The following POLH variants were observed in gnomAD, a reference collection of about 807,000 sequenced individuals.
POLH encodes DNA polymerase eta transcript.
A neutral mutation model predicts 73.6 loss-of-function variants in POLH; 53 were observed. The ratio of observed to expected loss-of-function variants is 0.72; its 90% CI spans 0.58 to 0.91. The LOEUF (loss-of-function observed/expected upper bound fraction) is 0.91. Ranked by LOEUF, POLH falls within the 40% of genes least tolerant of loss-of-function variation. POLH has a pLI of 0.00. For missense variants in POLH, 768 were observed against 865.4 expected (o/e 0.89, Z 1.41); for synonymous variants, 292 against 308.5 (o/e 0.95, Z 0.56).
intron 9 of POLH, among the ~76,000 whole-genome samples, chr6:43,608,872 A>G (rs1460548661): frequency 9.9e-5 from 15 of 152,220 alleles, no homozygotes; most frequent in Admixed American, 5.2e-4. Flanking sequence ...AAGTAATTCT[A>G]TAAAGCCAAA....
chr6:43,606,533 A>G (rs2127808631), intron 9 of POLH, among the ~76,000 whole-genome samples: 1 of 151,980 alleles, frequency 6.6e-6, no homozygotes, highest in Non-Finnish European at 1.5e-5. Context: ...AATTCAAGCG[A>G]TTCTCCTGTC....
chr6:43,593,566 A>G (rs1359263691), intron 4 of POLH, among the ~76,000 whole-genome samples: 2 of 152,166 alleles, frequency 1.3e-5, no homozygotes, highest in Admixed American at 6.6e-5. Context: ...CATTTCCACA[A>G]AGGTGCCAAG....
intron 9 of POLH, among the ~76,000 whole-genome samples, chr6:43,606,196 T>G (rs911157869): frequency 1.3e-5 from 2 of 152,104 alleles, no homozygotes; most frequent in African/African-American, 4.8e-5. Flanking sequence ...TTAAAATCTC[T>G]AATAGAATTT....
chr6:43,604,595 T>C lies in POLH; in HGVS notation c.885-20T>C, dbSNP rs1476808328. 6.2e-7 allele frequency: 1 copy of C among 1,612,674 alleles called. No homozygotes were observed. The highest frequency in any genetic ancestry group is 1.7e-5 in the Admixed American group (1 of 60,016). The stretch of plus-strand genomic sequence containing the variant: ...ATAATCATTTAATTTCACCTTAACG[T>C]TTTTTGCTGGTCTTATTAGGTCTTG... On this transcript the variant is annotated intron_variant, in intron 7 of 10. Coordinates refer to ENST00000372236, the MANE Select transcript of POLH (RefSeq NM_006502.3).
chr6:43,592,152 A>G (rs76232850), intron 4 of POLH, among the ~76,000 whole-genome samples: 3,684 of 152,298 alleles, frequency 0.024, 155 homozygotes, highest in African/African-American at 0.084. Flanking sequence ...ATGTCTAGGA[A>G]ATATTTCATA....
Position 43,616,371 on chromosome 6 carries a change from A to C in POLH, c.*1814A>C, listed in dbSNP as rs1582330618. ...CATTTAGGGAGGCTGAGGTGAGTGG[A>C]TTGCAGGAGCTCAGGAGTTCGAGAC... On this transcript the variant is annotated 3_prime_UTR_variant, in exon 11 of 11. Transcript: ENST00000372236. 6.6e-6 allele frequency among the ~76,000 whole-genome samples: 1 copy of C among 150,772 alleles called. No individual in the cohort carries two copies. Among genetic ancestry groups the C allele is most frequent in the Admixed American group, 6.6e-5 (1 of 15,084 alleles).
chr6:43,594,531 A>AC (rs550893128), intron 4 of POLH, among the ~76,000 whole-genome samples: 1 of 152,066 alleles, frequency 6.6e-6, no homozygotes, highest in African/African-American at 2.4e-5. Context: ...ACATGGTGAA[A>AC]CCCCATCTCT....
Position 43,620,309 on chromosome 6 carries a change from T to C in POLH, c.*5752T>C. On this transcript the variant is annotated 3_prime_UTR_variant, in exon 11 of 11. Transcript: ENST00000372236. ...ACTACGGAAAATAGGCCACAATACTTGGTTACAATACTGGAACTCTGAACC... is the reference window on the plus strand; with the variant it reads ...ACTACGGAAAATAGGCCACAATACTCGGTTACAATACTGGAACTCTGAACC... The C allele has an allele frequency of 1.9e-6, 1 of 516,616 alleles. No homozygotes were observed. The allele number at this position is 516,616 out of a possible 1,614,324, so 32.0% of individuals were successfully genotyped here.
chr6:43,584,672 C>G (rs1461731923), intron 3 of POLH, among the ~76,000 whole-genome samples: 1 of 152,150 alleles, frequency 6.6e-6, no homozygotes, highest in East Asian at 1.9e-4. Flanking sequence ...GGCTCAATAC[C>G]ACAAGAACAC....
chr6:43,611,516 T>C (rs1476609868), intron 10 of POLH, among the ~76,000 whole-genome samples: 2 of 152,322 alleles, frequency 1.3e-5, no homozygotes, highest in East Asian at 3.9e-4. Flanking sequence ...GTCCAGATAT[T>C]AATGATTTTC....
intron 9 of POLH, among the ~76,000 whole-genome samples, chr6:43,609,009 C>T (rs771896765): frequency 9.2e-5 from 14 of 152,182 alleles, no homozygotes; most frequent in Non-Finnish European, 1.5e-4. Context: ...TTTAGCACTT[C>T]CCGTTTCTTT....
chr6:43,582,427 T>C lies in POLH; in HGVS notation c.108T>C (p.Val36=), dbSNP rs766284431. The change falls in exon 2 of 11, where the codon GTT becomes GTC. Residue 36 remains valine, a synonymous_variant. Transcript: ENST00000372236. ...ATTTGAGGAATAAACCTTGTGCAGT[T>C]GTACAGTACAAATCATGGAAGGGTG... The part of the protein sequence containing the change: ...NPHLRNKPCA[V]VQYKSWKGGG... 11 of 1,613,848 alleles carry C rather than the reference T, an allele frequency of 6.8e-6. No homozygotes were observed. Among genetic ancestry groups the C allele is most frequent in the Non-Finnish European group, 3.4e-6 (4 of 1,179,842 alleles).
chr6:43,586,886 A>C (rs1764882764), intron 3 of POLH, among the ~76,000 whole-genome samples: 1 of 152,158 alleles, frequency 6.6e-6, no homozygotes, highest in South Asian at 2.1e-4. Flanking sequence ...TTTTGAAGAC[A>C]AAATTAGAAG....
rs75658777 is a variant in POLH, at chr6:43,620,270, T to C, written c.*5713T>C. 6,925 of 517,386 alleles carry C rather than the reference T, an allele frequency of 0.013. 342 individuals carry two copies. Among genetic ancestry groups the C allele is most frequent in the African/African-American group, 0.11 (5,747 of 51,896 alleles). The allele number at this position is 517,386 out of a possible 1,614,324, so 32.0% of individuals were successfully genotyped here. A position where few individuals can be genotyped will look rare whatever the true frequency, so the allele number is the denominator to read the frequency against. The stretch of plus-strand genomic sequence containing the variant: ...CTATTTCACGTGAAAGGCCTCAGTA[T>C]TCTGCTCACTTGAACTACGGAAAAT... On this transcript the variant is annotated 3_prime_UTR_variant, in exon 11 of 11. Coordinates refer to ENST00000372236, the MANE Select transcript of POLH (RefSeq NM_006502.3).
rs9333507 is a variant in POLH, at chr6:43,582,527, T to G, written c.137+71T>G. On this transcript the variant is annotated intron_variant, in intron 2 of 10. Transcript: ENST00000372236. ...GGCACTGTGGCAGGTCCTTTGTTGTTGTGGTGGTGGTGGTGGTGGTGACAG... is the reference window on the plus strand; with the variant it reads ...GGCACTGTGGCAGGTCCTTTGTTGTGGTGGTGGTGGTGGTGGTGGTGACAG... 2.4e-3 allele frequency: 3,596 copies of G among 1,467,758 alleles called. 58 individuals are homozygous for G. In the African/African-American group the frequency reaches 0.041, roughly 17 times the overall value. The allele number at this position is 1,467,758 out of a possible 1,614,324, so 90.9% of individuals were successfully genotyped here. A position where few individuals can be genotyped will look rare whatever the true frequency, so the allele number is the denominator to read the frequency against.
chr6:43,610,271 GC>G lies in POLH; in HGVS notation c.1075-281del, dbSNP rs201908220. Among the ~76,000 whole-genome samples, 1,975 of 151,884 alleles carry G rather than the reference GC, an allele frequency of 0.013. 22 individuals are homozygous for G. The highest frequency in any genetic ancestry group is 0.021 in the Non-Finnish European group (1,446 of 67,956). ...GTAGAGATGGGATTTCGCCATGTTTGCCAGGCTAGTCTCGAACTCCTGACTT... is the reference window on the plus strand; with the variant it reads ...GTAGAGATGGGATTTCGCCATGTTTGCAGGCTAGTCTCGAACTCCTGACTT... On this transcript the variant is annotated intron_variant, in intron 9 of 10. Transcript: ENST00000372236.
At chr6:43,608,081 G>A (rs950431024) in intron 9 of POLH, among the ~76,000 whole-genome samples, 1 of 152,172 alleles carries the variant, frequency 6.6e-6, no homozygotes, top group Non-Finnish European at 1.5e-5. Flanking sequence ...AGTGAGCCGA[G>A]ATTGCGCCAT....
At position 43,610,642 on chromosome 6, in the gene POLH, C is replaced by T. The variant is rs370443606; in HGVS notation, c.1163C>T (p.Thr388Ile). 31 of 1,613,640 alleles carry T rather than the reference C, an allele frequency of 1.9e-5. No individual in the cohort carries two copies. The highest frequency in any genetic ancestry group is 2.5e-5 in the Non-Finnish European group (29 of 1,179,826). Reference sequence around the variant, plus strand: ...AGCCTGCGCCGCTGCTGTGCCCTTACCCGCTATGATGCTCACAAGATGAGC... The same window carrying T: ...AGCCTGCGCCGCTGCTGTGCCCTTATCCGCTATGATGCTCACAAGATGAGC... ...LSSLRRCCAL[T>I]RYDAHKMSHD... The change falls in exon 10 of 11, where the codon ACC becomes ATC. Residue 388 changes from threonine to isoleucine, a missense_variant. Thr to Ile is a moderately conservative substitution (Grantham distance 89). Coordinates refer to ENST00000372236, the MANE Select transcript of POLH (RefSeq NM_006502.3).
Position 43,590,194 on chromosome 6 carries a change from C to T in POLH, c.490+2705C>T, listed in dbSNP as rs548912345. On this transcript the variant is annotated intron_variant, in intron 4 of 10. Transcript: ENST00000372236. ...CAAGATGGTGAAACTTCGTCTTTAC[C>T]GAAAATACAAAAAAACTAGCTGGGC... Among the ~76,000 whole-genome samples the T allele has an allele frequency of 1.6e-3, 247 of 151,100 alleles. 1 individual carries two copies. The highest frequency in any genetic ancestry group is 3.4e-3 in the Middle Eastern group (1 of 292).
Sources: allele counts gnomAD v4.1 joint callset (sites outside exome capture counted in the v4.1 genomes callset), GRCh38; gene constraint gnomAD v4.1.1; transcripts MANE v1.5; gene names NCBI Gene and HGNC (gene_info 2026-07-23, HGNC 2026-07-21).